Variants in SFMBT1 observed in about 807,000 individuals in gnomAD.
SFMBT1 encodes Scm like with four mbt domains 1.
A neutral mutation model predicts 108.7 loss-of-function variants in SFMBT1; 32 were observed. That is an observed-to-expected ratio of 0.29 (90% confidence interval 0.22 to 0.40). SFMBT1 has a LOEUF of 0.40. Among genes scored for constraint, SFMBT1 ranks in the 10% least tolerant of loss-of-function variants. The probability of loss-of-function intolerance (pLI) is 1.00; values close to 1 mark genes in which losing one functional copy is unlikely to be tolerated. For missense variants in SFMBT1, 816 were observed against 1,059.6 expected (o/e 0.77, Z 3.19); for synonymous variants, 348 against 369.5 (o/e 0.94, Z 0.67).
chr3:52,967,028 C>A (rs939894081), intron 2 of SFMBT1, among the ~76,000 whole-genome samples: 1 of 150,512 alleles, frequency 6.6e-6, no homozygotes, highest in Non-Finnish European at 1.5e-5. Flanking sequence ...AAAAACACTA[C>A]AAATCAAAAT....
chr3:52,908,332 A>C lies in SFMBT1; in HGVS notation c.1907-599T>G, dbSNP rs375096096. Among the ~76,000 whole-genome samples, 8 of 152,110 alleles carry C rather than the reference A, an allele frequency of 5.3e-5. No individual in the cohort carries two copies. The East Asian group carries it at 1.2e-3, about 22-fold the overall frequency. On this transcript the variant is annotated intron_variant, in intron 17 of 20. Coordinates refer to ENST00000394752, the MANE Select transcript of SFMBT1 (RefSeq NM_016329.4). ...CATGATCTGCCCGCCTTGGCCTCCC[A>C]AAGTGCTGGGATTACAGGCATGAGC...
At chr3:53,003,575 C>A (rs1370624485) in intron 1 of SFMBT1, among the ~76,000 whole-genome samples, 1 of 149,328 alleles carries the variant, frequency 6.7e-6, no homozygotes, top group Admixed American at 6.8e-5. Context: ...AAAAAGTAAG[C>A]CAAAAAATAA....
intron 1 of SFMBT1, among the ~76,000 whole-genome samples, chr3:52,970,386 A>C (rs1320298183): frequency 6.6e-6 from 1 of 152,184 alleles, no homozygotes; most frequent in Non-Finnish European, 1.5e-5. Context: ...GTGGTCTTTC[A>C]TATAACCTTG....
chr3:53,016,659 T>C (rs1210751357), intron 1 of SFMBT1, among the ~76,000 whole-genome samples: 1 of 152,244 alleles, frequency 6.6e-6, no homozygotes, highest in Non-Finnish European at 1.5e-5. Context: ...CTGTCTTCCT[T>C]ATTTATTGAT....
At chr3:53,041,235 T>C (rs997654046) in intron 1 of SFMBT1, among the ~76,000 whole-genome samples, 1 of 152,096 alleles carries the variant, frequency 6.6e-6, no homozygotes, top group African/African-American at 2.4e-5. Flanking sequence ...ATACACGTTT[T>C]CAGGTGTCTC....
At chr3:53,026,768 G>A (rs1699506092) in intron 1 of SFMBT1, among the ~76,000 whole-genome samples, 1 of 152,084 alleles carries the variant, frequency 6.6e-6, no homozygotes, top group Non-Finnish European at 1.5e-5. Flanking sequence ...TAAGAAGGAG[G>A]CAGCGCTAAA....
At chr3:53,007,508 C>G (rs573789536) in intron 1 of SFMBT1, among the ~76,000 whole-genome samples, 1 of 152,292 alleles carries the variant, frequency 6.6e-6, no homozygotes, top group South Asian at 2.1e-4. Context: ...GCCTAGAACA[C>G]TTGTGCCAGA....
intron 14 of SFMBT1, among the ~76,000 whole-genome samples, chr3:52,914,117 G>A (rs1441188765): frequency 6.6e-6 from 1 of 152,162 alleles, no homozygotes; most frequent in Non-Finnish European, 1.5e-5. Flanking sequence ...ATTTCTCAGA[G>A]GGCTAAAAGT....
chr3:52,972,388 G>A (rs1269130156), intron 1 of SFMBT1, among the ~76,000 whole-genome samples: 1 of 152,154 alleles, frequency 6.6e-6, no homozygotes, highest in African/African-American at 2.4e-5. Flanking sequence ...GACTGATGAA[G>A]TCTTCTGCTG....
intron 17 of SFMBT1, among the ~76,000 whole-genome samples, chr3:52,909,448 A>G (rs576353226): frequency 6.6e-6 from 1 of 152,354 alleles, no homozygotes; most frequent in African/African-American, 2.4e-5. Context: ...TAGACTTATA[A>G]GATTTTGTAA....
rs1702006266 is a variant in SFMBT1, at chr3:52,903,948, G to C, written c.*1188C>G. On this transcript the variant is annotated 3_prime_UTR_variant, in exon 21 of 21. Coordinates refer to ENST00000394752, the MANE Select transcript of SFMBT1 (RefSeq NM_016329.4). ...CAATTTAAAGGATTAGCTGAAAAAA[G>C]TCTAAGTGTGGCTAGGCAAAGAGGT... The C allele has an allele frequency of 6.6e-6, 1 of 152,188 alleles. No individual in the cohort carries two copies. The highest frequency in any genetic ancestry group is 1.5e-5 in the Non-Finnish European group (1 of 68,036). 9.4% of individuals were successfully genotyped at this position (152,188 alleles called of 1,614,324 possible). A position where few individuals can be genotyped will look rare whatever the true frequency, so the allele number is the denominator to read the frequency against.
chr3:52,956,718 G>A (rs1229931020), intron 2 of SFMBT1, among the ~76,000 whole-genome samples: 3 of 152,040 alleles, frequency 2.0e-5, no homozygotes, highest in Non-Finnish European at 4.4e-5. Context: ...CCGAGGTTGC[G>A]CCACTGCACT....
intron 2 of SFMBT1, among the ~76,000 whole-genome samples, chr3:52,965,343 G>A (rs1278473644): frequency 1.4e-5 from 2 of 144,012 alleles, no homozygotes; most frequent in Non-Finnish European, 3.0e-5. Flanking sequence ...AAAATGAAGA[G>A]AGTCTGAGGG....
intron 4 of SFMBT1, among the ~76,000 whole-genome samples, chr3:52,941,550 C>T (rs933158754): frequency 7.8e-6 from 1 of 128,978 alleles, no homozygotes; most frequent in East Asian, 2.3e-4. Flanking sequence ...GCTGAGATTG[C>T]GCCATTGCAC....
intron 2 of SFMBT1, among the ~76,000 whole-genome samples, chr3:52,961,030 T>C (rs1315797009): frequency 1.3e-5 from 2 of 152,152 alleles, no homozygotes; most frequent in Non-Finnish European, 2.9e-5. Flanking sequence ...TCCCAGCTAC[T>C]TGAGAGGCTG....
intron 1 of SFMBT1, among the ~76,000 whole-genome samples, chr3:53,039,747 G>A (rs560693248): frequency 6.6e-6 from 1 of 152,278 alleles, no homozygotes; most frequent in South Asian, 2.1e-4. Context: ...CAATTCTCCT[G>A]CCTCAGCTTC....
intron 1 of SFMBT1, among the ~76,000 whole-genome samples, chr3:53,003,857 A>G (rs1339913444): frequency 6.7e-6 from 1 of 150,018 alleles, no homozygotes; most frequent in African/African-American, 2.4e-5. Context: ...TACATCCAAA[A>G]TACATTTTAT....
At position 52,951,818 on chromosome 3, in the gene SFMBT1, C is replaced by G. The variant is rs560454867; in HGVS notation, c.123+2499G>C. ...CCTTGCCCTCATTCCCATAAACCCA[C>G]AACCTTCCAGCTTGGGCGTTAGGGC... On this transcript the variant is annotated intron_variant, in intron 3 of 20. Transcript: ENST00000394752. Among the ~76,000 whole-genome samples, 7 of 152,346 alleles carry G rather than the reference C, an allele frequency of 4.6e-5. No individual in the cohort carries two copies. In the South Asian group the frequency reaches 1.4e-3, roughly 32 times the overall value.
rs1400459563 is a variant in SFMBT1 at position 52,904,991 on chromosome 3, T to C, written c.*145A>G. Reference sequence around the variant, plus strand: ...ACAGTTTTTGCTTCCTCACTGTGAGTCCTCCTTCCCCGAAAGTGCAAAGAG... The same window carrying C: ...ACAGTTTTTGCTTCCTCACTGTGAGCCCTCCTTCCCCGAAAGTGCAAAGAG... On this transcript the variant is annotated 3_prime_UTR_variant, in exon 21 of 21. Transcript: ENST00000394752. 1.8e-6 allele frequency: 2 copies of C among 1,088,824 alleles called. No individual in the cohort carries two copies. The highest frequency in any genetic ancestry group is 2.5e-6 in the Non-Finnish European group (2 of 785,898). 67.4% of individuals were successfully genotyped at this position (1,088,824 alleles called of 1,614,324 possible). A position where few individuals can be genotyped will look rare whatever the true frequency, so the allele number is the denominator to read the frequency against.
Sources: gnomAD v4.1 joint callset for allele counts (sites outside exome capture counted in the v4.1 genomes callset) on GRCh38, gnomAD v4.1.1 for gene constraint, MANE v1.5 for transcripts, NCBI Gene and HGNC (gene_info 2026-07-23, HGNC 2026-07-21) for gene names.